The following NBPF11 variants were observed in gnomAD, a reference collection of about 807,000 sequenced individuals.
NBPF11 encodes the protein NBPF member 11, also known as NBPF family member NBPF11.
A neutral mutation model predicts 93.9 loss-of-function variants in NBPF11; 72 were observed. The observed-to-expected ratio is 0.77, with a 90% CI of 0.63 to 0.93. NBPF11 has a LOEUF of 0.93. Ranked by LOEUF, NBPF11 falls within the 40% of genes least tolerant of loss-of-function variation. NBPF11 has a pLI of 0.00. For synonymous variants in NBPF11, 224 were observed against 304.9 expected, an observed-to-expected ratio of 0.73 and a Z score of 2.76; for missense variants, 705 against 802.2, an observed-to-expected ratio of 0.88 and a Z score of 1.46.
At chr1:148,111,391 T>C (rs1665227765) in intron 15 of NBPF11, among the ~76,000 whole-genome samples, 2 of 152,066 alleles carry the variant, frequency 1.3e-5, no homozygotes, top group African/African-American at 2.4e-5. Flanking sequence ...CAAAGCAGGA[T>C]AGAGAATGAC....
chr1:148,134,232 T>A (rs1489426546), intron 4 of NBPF11, among the ~76,000 whole-genome samples: 9 of 151,580 alleles, frequency 5.9e-5, no homozygotes, highest in Non-Finnish European at 1.0e-4. Flanking sequence ...TAAATAATGC[T>A]ATGGGACCCA....
chr1:148,105,382 A>C lies in NBPF11; in HGVS notation c.2450T>G (p.Leu817Trp), dbSNP rs1391119996. 64 of 932,562 alleles carry C rather than the reference A, an allele frequency of 6.9e-5. No homozygotes were observed. The African/African-American group carries it at 9.7e-4, about 14-fold the overall frequency. The allele number at this position is 932,562 out of a possible 1,614,324, so 57.8% of individuals were successfully genotyped here. A position where few individuals can be genotyped will look rare whatever the true frequency, so the allele number is the denominator to read the frequency against. ...CACCTCCCACGTCAAGAGAAAAGCC[A>C]ACATGTTTTTCCTCCAATGCATAAA... is the stretch of plus-strand genomic sequence containing the variant. ...VPFMHWRKNM[L>W]AFLLTWEKLK... The change falls in exon 22 of 24, where the codon TTG becomes TGG. Residue 817 changes from leucine to tryptophan, a missense_variant. By Grantham distance (61) the Leu-to-Trp change is moderately conservative. This residue lies in a region of NBPF11 where 109 missense variants were observed against 83.3 expected (regional missense o/e 1.31). Transcript: ENST00000682118.
chr1:148,146,189 G>A lies in NBPF11; in HGVS notation c.-548-2503C>T, dbSNP rs1428462952. Among the ~76,000 whole-genome samples the A allele has an allele frequency of 3.6e-3, 548 of 151,744 alleles. 14 individuals carry two copies. In the East Asian group the frequency reaches 0.04, roughly 11 times the overall value. ...CCACGGCACGACATGGAGACCTGTG[G>A]TTGCGAGGCTCCCTGGGGCTCGGCT... is the stretch of plus-strand genomic sequence containing the variant. On this transcript the variant is annotated intron_variant, in intron 1 of 23. Coordinates refer to ENST00000682118, the MANE Select transcript of NBPF11 (RefSeq NM_001385469.3).
chr1:148,113,251 C>T (rs1396968493), intron 15 of NBPF11, among the ~76,000 whole-genome samples: 66 of 151,930 alleles, frequency 4.3e-4, no homozygotes, highest in African/African-American at 1.3e-3. Flanking sequence ...CACACATAGG[C>T]TCAAAATAAA....
intron 23 of NBPF11, 102 bp from the exon 24 acceptor site, chr1:148,104,014 A>C: frequency 6.2e-7 from 1 of 1,606,200 alleles, no homozygotes; most frequent in Non-Finnish European, 8.5e-7. Context: ...TGGAAAAGAA[A>C]AAGGACAGAT....
At chr1:148,120,431 C>T in intron 10 of NBPF11, 70 bp downstream of exon 10, 3 of 797,090 alleles carry the variant, frequency 3.8e-6, no homozygotes, top group South Asian at 2.7e-5. Context: ...ATGGAGAGAG[C>T]ACTTAGTTTC....
chr1:148,126,689 G>A, intron 5 of NBPF11, 140 bp downstream of exon 5: 1 of 653,556 alleles, frequency 1.5e-6, no homozygotes, highest in Non-Finnish European at 2.7e-6. Flanking sequence ...TGGTACCTCT[G>A]TCTTCCAACT....
chr1:148,111,335 C>T (rs1263968911), intron 15 of NBPF11, among the ~76,000 whole-genome samples: 1 of 152,020 alleles, frequency 6.6e-6, no homozygotes, highest in Non-Finnish European at 1.5e-5. Flanking sequence ...AAAAACCTGA[C>T]ATCCCTTCTC....
At chr1:148,133,566 T>C (rs1339875938) in intron 4 of NBPF11, among the ~76,000 whole-genome samples, 25 of 152,144 alleles carry the variant, frequency 1.6e-4, no homozygotes, top group Non-Finnish European at 3.1e-4. Flanking sequence ...TTTTGCCAAA[T>C]GCTTTTACTG....
At chr1:148,125,327 T>A (rs1186306369) in intron 5 of NBPF11, among the ~76,000 whole-genome samples, 1 of 151,970 alleles carries the variant, frequency 6.6e-6, no homozygotes, top group Non-Finnish European at 1.5e-5. Flanking sequence ...TTGCAGCCTC[T>A]CCTCTAAAAC....
chr1:148,151,516 G>T (rs1343560130), intron 1 of NBPF11, among the ~76,000 whole-genome samples: 2 of 152,080 alleles, frequency 1.3e-5, no homozygotes, highest in Non-Finnish European at 2.9e-5. Flanking sequence ...ACCTGCCAGG[G>T]AGTTTCTTCC....
intron 4 of NBPF11, chr1:148,129,547 C>A (rs1293575356): frequency 6.5e-6 from 1 of 154,394 alleles, no homozygotes; most frequent in African/African-American, 2.4e-5. Context: ...CCATTGTGGG[C>A]AACAAGGACC....
chr1:148,120,304 A>G (rs1198641041), intron 10 of NBPF11, among the ~76,000 whole-genome samples, 197 bp downstream of exon 10: 1 of 151,896 alleles, frequency 6.6e-6, no homozygotes, highest in Admixed American at 6.6e-5. Flanking sequence ...CCCCCACCTG[A>G]TTGCAAACAT....
intron 4 of NBPF11, among the ~76,000 whole-genome samples, chr1:148,132,621 G>A (rs1374972635): frequency 6.9e-6 from 1 of 145,448 alleles, no homozygotes; most frequent in African/African-American, 2.6e-5. Flanking sequence ...TCTGATCCAT[G>A]ACAAGGTTTA....
intron 8 of NBPF11, 101 bp downstream of exon 8, chr1:148,122,628 A>G (rs1668130710): frequency 5.2e-6 from 8 of 1,524,586 alleles, no homozygotes; most frequent in Non-Finnish European, 6.4e-6. Flanking sequence ...TGGCCAAGGG[A>G]ATGCGGGCTT....
chr1:148,141,621 C>A (rs1309429035), intron 2 of NBPF11, among the ~76,000 whole-genome samples: 3 of 151,888 alleles, frequency 2.0e-5, no homozygotes, highest in South Asian at 2.1e-4. Context: ...TTACCTCTAA[C>A]CCTGGGGTGC....
chr1:148,121,765 C>T (rs1263019976), intron 9 of NBPF11, among the ~76,000 whole-genome samples: 1 of 151,978 alleles, frequency 6.6e-6, no homozygotes, highest in Non-Finnish European at 1.5e-5. Context: ...CCTAAGTCTC[C>T]TGAGCAGTTG....
chr1:148,118,738 C>T lies in NBPF11; in HGVS notation c.989-16G>A, dbSNP rs60271803. 1.2e-6 allele frequency: 2 copies of T among 1,605,498 alleles called. No homozygotes were observed. Among genetic ancestry groups the T allele is most frequent in the African/African-American group, 1.4e-5 (1 of 73,962 alleles). On this transcript the variant is annotated splice_polypyrimidine_tract_variant and intron_variant, in intron 10 of 23. Coordinates refer to ENST00000682118, the MANE Select transcript of NBPF11 (RefSeq NM_001385469.3). ...TCTTCATATTCTGAGAAAAGACAGA[C>T]ACGCCTGCATCAGTGGAAGGCTGGA... is the stretch of plus-strand genomic sequence containing the variant.
rs1268634658 is a variant in NBPF11 at position 148,106,502 on chromosome 1, C to A, written c.2252-270G>T. ...GCAAACAGTTATGCCTTATTGTTCC[C>A]ATCAGTTCAAAGAAAATGCCCCAGA... is the stretch of plus-strand genomic sequence containing the variant. On this transcript the variant is annotated intron_variant, in intron 20 of 23. Transcript: ENST00000682118. Among the ~76,000 whole-genome samples, 3 of 139,330 alleles carry A rather than the reference C, an allele frequency of 2.2e-5. 1 individual carries two copies. Among genetic ancestry groups the A allele is most frequent in the Admixed American group, 2.1e-4 (3 of 14,116 alleles). The allele number at this position is 139,330 out of a possible 152,430, so 91.4% of individuals were successfully genotyped here.
Sources: gnomAD v4.1 joint callset for allele counts (sites outside exome capture counted in the v4.1 genomes callset) on GRCh38, gnomAD v4.1.1 for gene constraint, gnomAD v4.1.1 regional missense constraint, MANE v1.5 for transcripts, NCBI Gene and HGNC (gene_info 2026-07-23, HGNC 2026-07-21) for gene names.